The following NTRK3 variants were observed in gnomAD, a reference collection of about 807,000 sequenced individuals.
NTRK3 encodes the protein neurotrophic receptor tyrosine kinase 3.
In NTRK3, 24 loss-of-function variants were observed where a neutral mutation model predicts 91.7. The ratio of observed to expected loss-of-function variants is 0.26; its 90% CI spans 0.19 to 0.37. The LOEUF is 0.37. Among genes scored for constraint, NTRK3 ranks in the 10% least tolerant of loss-of-function variants. The probability of loss-of-function intolerance (pLI) is 1.00; values close to 1 mark genes in which losing one functional copy is unlikely to be tolerated. For missense variants in NTRK3, 880 were observed against 1,068.9 expected (o/e 0.82, Z 2.46); for synonymous variants, 483 against 404.0 (o/e 1.20, Z -2.34).
chr15:88,174,032 C>G (rs918130106), intron 5 of NTRK3, among the ~76,000 whole-genome samples: 4 of 152,200 alleles, frequency 2.6e-5, no homozygotes, highest in African/African-American at 9.7e-5. Context: ...GATATTATGT[C>G]CCTGGAACTC....
chr15:88,191,082 A>G (rs1451835001), intron 3 of NTRK3, among the ~76,000 whole-genome samples: 1 of 152,068 alleles, frequency 6.6e-6, no homozygotes, highest in African/African-American at 2.4e-5. Context: ...CACAATTCAC[A>G]TTTACATGGC....
At chr15:88,140,411 G>A (rs530722464) in intron 6 of NTRK3, among the ~76,000 whole-genome samples, 1 of 152,328 alleles carries the variant, frequency 6.6e-6, no homozygotes, top group South Asian at 2.1e-4. Context: ...GTGGCTACAT[G>A]CACCCAGATG....
chr15:88,121,984 G>A (rs560443638), intron 13 of NTRK3, among the ~76,000 whole-genome samples: 22 of 152,270 alleles, frequency 1.4e-4, no homozygotes, highest in East Asian at 1.3e-3. Flanking sequence ...AAGCATGTTC[G>A]GTTTGTTTCT....
At chr15:88,231,727 G>A (rs968915816) in intron 3 of NTRK3, among the ~76,000 whole-genome samples, 3 of 152,272 alleles carry the variant, frequency 2.0e-5, no homozygotes, top group Middle Eastern at 3.4e-3. Context: ...CTCATGAGCG[G>A]TTTAAAGAGT....
intron 5 of NTRK3, among the ~76,000 whole-genome samples, chr15:88,181,003 T>C (rs2046407437): frequency 6.6e-6 from 1 of 152,212 alleles, no homozygotes. Context: ...CAGGCTCCTC[T>C]GGGCATCCCA....
intron 3 of NTRK3, among the ~76,000 whole-genome samples, chr15:88,185,716 A>G (rs1336371759): frequency 1.3e-5 from 2 of 152,174 alleles, no homozygotes; most frequent in Admixed American, 1.3e-4. Flanking sequence ...GAAAAGTGAC[A>G]GCCACCTTCC....
chr15:88,137,110 T>A lies in NTRK3; in HGVS notation c.622+294A>T, dbSNP rs113192730. ...CATTTTGAGATACACTCCTTCAGGT[T>A]TGGTTGACAGGTAACTCACAGGGAG... On this transcript the variant is annotated intron_variant, in intron 7 of 18. Transcript: ENST00000394480. 6.3e-3 allele frequency among the ~76,000 whole-genome samples: 957 copies of A among 152,310 alleles called. 12 individuals carry two copies. The highest frequency in any genetic ancestry group is 0.022 in the African/African-American group (903 of 41,566).
At chr15:87,975,734 G>A (rs559425958) in intron 14 of NTRK3, among the ~76,000 whole-genome samples, 1 of 152,178 alleles carries the variant, frequency 6.6e-6, no homozygotes, top group Non-Finnish European at 1.5e-5. Context: ...ATTCTGCCCA[G>A]CAACCTTTCC....
chr15:88,179,721 G>A (rs1185577709), intron 5 of NTRK3, among the ~76,000 whole-genome samples: 1 of 152,164 alleles, frequency 6.6e-6, no homozygotes, highest in Non-Finnish European at 1.5e-5. Flanking sequence ...GCTGGTGGAG[G>A]AGATCTCAAC....
At chr15:87,874,276 G>T (rs12443467) in exon 19 of NTRK3, 108,005 of 183,974 alleles carry the variant, frequency 0.59, 28,531 homozygotes, top group East Asian at 0.64. Context: ...ACCCTTCCCT[G>T]CTCTGCCCCT....
chr15:88,225,101 G>A (rs995160251), intron 3 of NTRK3, among the ~76,000 whole-genome samples: 16 of 152,170 alleles, frequency 1.1e-4, no homozygotes, highest in African/African-American at 2.2e-4. Context: ...TTCTCACAGC[G>A]TGGTGGGTAG....
chr15:88,026,747 A>G (rs970616860), intron 14 of NTRK3, among the ~76,000 whole-genome samples: 3 of 152,334 alleles, frequency 2.0e-5, no homozygotes, highest in South Asian at 4.1e-4. Context: ...CTTAAAGGAA[A>G]TATGTGGGTG....
chr15:88,186,310 C>G (rs2046940435), intron 3 of NTRK3, among the ~76,000 whole-genome samples: 1 of 152,194 alleles, frequency 6.6e-6, no homozygotes, highest in Admixed American at 6.5e-5. Context: ...GTTGAGTTGT[C>G]AATCATTACC....
intron 13 of NTRK3, among the ~76,000 whole-genome samples, chr15:88,091,377 A>C (rs2049000057): frequency 6.6e-6 from 1 of 152,148 alleles, no homozygotes; most frequent in Non-Finnish European, 1.5e-5. Flanking sequence ...ATAACATAAA[A>C]ATTAAATGAC....
At position 87,946,921 on chromosome 15, in the gene NTRK3, G is replaced by A. The variant is rs1173251006; in HGVS notation, c.1586-6168C>T. Among the ~76,000 whole-genome samples the A allele has an allele frequency of 6.0e-5, 7 of 116,226 alleles. No individual in the cohort carries two copies. In the East Asian group the frequency reaches 8.1e-4, roughly 14 times the overall value. 76.2% of individuals were successfully genotyped at this position (116,226 alleles called of 152,430 possible). A position where few individuals can be genotyped will look rare whatever the true frequency, so the allele number is the denominator to read the frequency against. On this transcript the variant is annotated intron_variant, in intron 14 of 18. Coordinates refer to ENST00000394480, the Ensembl canonical transcript of NTRK3. ...TTTTGAGATGGAATCTCGCTCTATC[G>A]CCCAGGCTGGAGTGCAATGGCGCAA...
At chr15:87,893,540 T>C (rs1158933044) in intron 17 of NTRK3, among the ~76,000 whole-genome samples, 1 of 152,208 alleles carries the variant, frequency 6.6e-6, no homozygotes, top group Non-Finnish European at 1.5e-5. Context: ...GAAAAGAGAA[T>C]TGTCTTGCTC....
chr15:87,880,705 G>C (rs1003239075), intron 17 of NTRK3, among the ~76,000 whole-genome samples: 1 of 152,178 alleles, frequency 6.6e-6, no homozygotes, highest in Non-Finnish European at 1.5e-5. Flanking sequence ...AAGTGAGAGA[G>C]AAGGTTTCAG....
At chr15:88,120,165 C>T (rs2052544066) in intron 13 of NTRK3, among the ~76,000 whole-genome samples, 1 of 152,186 alleles carries the variant, frequency 6.6e-6, no homozygotes, top group African/African-American at 2.4e-5. Flanking sequence ...CTTAGACAAC[C>T]GGTGAAACCA....
At chr15:87,926,819 A>T (rs1172620089) in intron 17 of NTRK3, 3 of 152,242 alleles carry the variant, frequency 2.0e-5, no homozygotes, top group Non-Finnish European at 2.9e-5. Context: ...TCAGCTTGGC[A>T]TAATCAAACA....
Sources: gnomAD v4.1 joint callset for allele counts (sites outside exome capture counted in the v4.1 genomes callset) on GRCh38, gnomAD v4.1.1 for gene constraint, MANE v1.5 for transcripts, NCBI Gene and HGNC (gene_info 2026-07-23, HGNC 2026-07-21) for gene names.